HCRTR2: variants seen among roughly 807,000 people sequenced by gnomAD.
HCRTR2 encodes hypocretin receptor 2, also known as orexin receptor type 2.
Under a neutral mutation model 49.0 loss-of-function variants are expected in HCRTR2, and 22 were observed. The observed-to-expected ratio is 0.45, with a 90% CI of 0.32 to 0.64. HCRTR2 has a LOEUF of 0.64. Among genes scored for constraint, HCRTR2 ranks in the 30% least tolerant of loss-of-function variants. The probability of loss-of-function intolerance (pLI) is 0.04; values close to 1 mark genes in which losing one functional copy is unlikely to be tolerated. For missense variants in HCRTR2, 491 were observed against 559.4 expected, an observed-to-expected ratio of 0.88 and a Z score of 1.23; for synonymous variants, 236 against 205.3, an observed-to-expected ratio of 1.15 and a Z score of -1.28.
intron 1 of HCRTR2, among the ~76,000 whole-genome samples, chr6:55,136,864 C>T (rs1224192799): frequency 6.6e-6 from 1 of 152,168 alleles, no homozygotes; most frequent in Non-Finnish European, 1.5e-5. Context: ...GGGACCCTGG[C>T]TGAAGGAGCT....
At chr6:55,108,939 T>G (rs957887487) in intron 1 of HCRTR2, among the ~76,000 whole-genome samples, 3 of 152,098 alleles carry the variant, frequency 2.0e-5, no homozygotes, top group African/African-American at 7.2e-5. Context: ...CCAGCTCCAC[T>G]CACTGGCTGC....
intron 1 of HCRTR2, among the ~76,000 whole-genome samples, chr6:55,123,771 T>C (rs78194707): frequency 6.6e-6 from 1 of 152,188 alleles, no homozygotes. Flanking sequence ...TTATTTTGGT[T>C]GACAGGATAT....
chr6:55,242,431 G>A (rs977594120), intron 1 of HCRTR2, among the ~76,000 whole-genome samples: 1 of 152,028 alleles, frequency 6.6e-6, no homozygotes, highest in Admixed American at 6.6e-5. Flanking sequence ...ATTGCTCTGA[G>A]TACCTCATAT....
chr6:55,150,306 C>T (rs1467446934), intron 1 of HCRTR2, among the ~76,000 whole-genome samples: 1 of 144,986 alleles, frequency 6.9e-6, no homozygotes, highest in Non-Finnish European at 1.5e-5. Context: ...TCCTACCCTC[C>T]TTGTTCTTTC....
intron 2 of HCRTR2, among the ~76,000 whole-genome samples, chr6:55,251,703 C>T (rs913156206): frequency 5.9e-5 from 9 of 151,936 alleles, no homozygotes; most frequent in Non-Finnish European, 8.8e-5. Flanking sequence ...TTTCATTTCT[C>T]CTTATAGTGA....
Position 55,126,123 on chromosome 6 carries a change from C to T in HCRTR2, c.-378+19578C>T, listed in dbSNP as rs1255650672. Reference sequence around the variant, plus strand: ...CTTCTGAAGCCTACCTCTGTCAATTCGTCAAACTCATTCTCTGTCCAGTTT... The same window carrying T: ...CTTCTGAAGCCTACCTCTGTCAATTTGTCAAACTCATTCTCTGTCCAGTTT... On this transcript the variant is annotated intron_variant, in intron 1 of 7. Coordinates refer to the HCRTR2 transcript ENST00000615358. 5.3e-5 allele frequency among the ~76,000 whole-genome samples: 8 copies of T among 152,104 alleles called. 1 individual carries two copies. Among genetic ancestry groups the T allele is most frequent in the East Asian group, 3.9e-4 (2 of 5,182 alleles).
rs1476430951 is a variant in HCRTR2, at chr6:55,280,462, C to T, written c.1105+18C>T. 1 of 1,610,958 alleles carries T rather than the reference C, an allele frequency of 6.2e-7. No individual in the cohort carries two copies. Among genetic ancestry groups the T allele is most frequent in the East Asian group, 2.2e-5 (1 of 44,814 alleles). ...TCTCAGTGGTGAGTTTTCAACTGTT[C>T]TTCCATAAGCCACAATTGTAACCAA... On this transcript the variant is annotated intron_variant, in intron 6 of 6. Transcript: ENST00000370862.
At chr6:55,201,193 A>T (rs1409031532) in intron 1 of HCRTR2, among the ~76,000 whole-genome samples, 3 of 152,130 alleles carry the variant, frequency 2.0e-5, no homozygotes, top group Non-Finnish European at 4.4e-5. Context: ...GGGAAAATAT[A>T]TCAGATATTT....
At chr6:55,120,380 A>G (rs1175270980) in intron 1 of HCRTR2, among the ~76,000 whole-genome samples, 1 of 152,026 alleles carries the variant, frequency 6.6e-6, no homozygotes, top group Non-Finnish European at 1.5e-5. Flanking sequence ...GATTCTTCCT[A>G]TCCATGAGCA....
At chr6:55,153,797 G>T (rs1197062243) in intron 1 of HCRTR2, among the ~76,000 whole-genome samples, 1 of 151,560 alleles carries the variant, frequency 6.6e-6, no homozygotes, top group African/African-American at 2.4e-5. Context: ...ACAAAGGTTA[G>T]ATCAAAAATA....
chr6:55,265,505 G>T (rs1766844828), intron 4 of HCRTR2, among the ~76,000 whole-genome samples: 1 of 152,082 alleles, frequency 6.6e-6, no homozygotes, highest in South Asian at 2.1e-4. Flanking sequence ...GAGAGAAAAA[G>T]AAAACTGGAA....
At chr6:55,193,060 T>C (rs1054558430) in intron 1 of HCRTR2, among the ~76,000 whole-genome samples, 18 of 152,168 alleles carry the variant, frequency 1.2e-4, no homozygotes, top group Admixed American at 9.2e-4. Flanking sequence ...TGAATAGGTA[T>C]AAACTAAATA....
chr6:55,223,050 T>C (rs1256372360), intron 1 of HCRTR2, among the ~76,000 whole-genome samples: 1 of 152,204 alleles, frequency 6.6e-6, no homozygotes, highest in Non-Finnish European at 1.5e-5. Flanking sequence ...TTTGTTAATA[T>C]ATCCATATTA....
chr6:55,119,663 G>A (rs185199357), intron 1 of HCRTR2, among the ~76,000 whole-genome samples: 237 of 150,572 alleles, frequency 1.6e-3, no homozygotes, highest in Middle Eastern at 0.01. Context: ...GTAGATTCTG[G>A]ATATTAGCCC....
intron 1 of HCRTR2, among the ~76,000 whole-genome samples, chr6:55,179,124 A>T (rs1451340300): frequency 1.3e-5 from 2 of 152,174 alleles, no homozygotes; most frequent in Non-Finnish European, 2.9e-5. Flanking sequence ...GTCTTGTGTC[A>T]GATATGTAAG....
chr6:55,193,720 A>C (rs1328580215), intron 1 of HCRTR2, among the ~76,000 whole-genome samples: 1 of 152,004 alleles, frequency 6.6e-6, no homozygotes, highest in Non-Finnish European at 1.5e-5. Context: ...TTAATTTTCT[A>C]CTATTACTTT....
At chr6:55,165,973 A>C (rs1048671127) in intron 1 of HCRTR2, among the ~76,000 whole-genome samples, 2 of 151,870 alleles carry the variant, frequency 1.3e-5, no homozygotes, top group Non-Finnish European at 2.9e-5. Flanking sequence ...GATTTGTCAT[A>C]TACAGACTTT....
At chr6:55,258,459 T>C (rs967905508) in intron 3 of HCRTR2, among the ~76,000 whole-genome samples, 2 of 152,106 alleles carry the variant, frequency 1.3e-5, no homozygotes, top group African/African-American at 4.8e-5. Context: ...ACTAAAAAAT[T>C]TACCAGCAAT....
At chr6:55,167,871 G>A (rs1435952718) in intron 1 of HCRTR2, among the ~76,000 whole-genome samples, 1 of 152,090 alleles carries the variant, frequency 6.6e-6, no homozygotes, top group Non-Finnish European at 1.5e-5. Flanking sequence ...TTTAGAATAT[G>A]GAAAGAGGAA....
Sources: allele counts gnomAD v4.1 joint callset (sites outside exome capture counted in the v4.1 genomes callset), GRCh38; gene constraint gnomAD v4.1.1; transcripts MANE v1.5; gene names NCBI Gene and HGNC (gene_info 2026-07-23, HGNC 2026-07-21).